RBFOX1: variants seen among roughly 807,000 people sequenced by gnomAD.
RBFOX1 encodes RNA binding protein fox-1 homolog 1.
A neutral mutation model predicts 57.7 loss-of-function variants in RBFOX1; 8 were observed. The ratio of observed to expected loss-of-function variants is 0.14; its 90% CI spans 0.08 to 0.25. The LOEUF is 0.25. Ranked by LOEUF, RBFOX1 falls within the 10% of genes least tolerant of loss-of-function variation. The pLI, the probability that RBFOX1 is intolerant of heterozygous loss-of-function variation, is 1.00. For synonymous variants in RBFOX1, 326 were observed against 222.4 expected (o/e 1.47, Z -4.15); for missense variants, 611 against 548.5 (o/e 1.11, Z -1.14).
At chr16:7,649,944 TGAAGG>T (rs1268563797) in intron 11 of RBFOX1, among the ~76,000 whole-genome samples, 1 of 140,248 alleles carries the variant, frequency 7.1e-6, no homozygotes, top group Non-Finnish European at 1.5e-5. Context: ...AATAAAGAAA[TGAAGG>T]GAGAGGAGAG....
chr16:6,593,301 T>C (rs1277679120), intron 2 of RBFOX1, among the ~76,000 whole-genome samples: 1 of 152,136 alleles, frequency 6.6e-6, no homozygotes, highest in Non-Finnish European at 1.5e-5. Flanking sequence ...CAATACAGGG[T>C]GTAAGTTTAC....
intron 4 of RBFOX1, among the ~76,000 whole-genome samples, chr16:5,975,718 A>G (rs1469270894): frequency 1.3e-5 from 2 of 152,090 alleles, no homozygotes; most frequent in Non-Finnish European, 2.9e-5. Flanking sequence ...TAATGTCAAA[A>G]TGCTTGGGGT....
At chr16:7,010,475 C>G (rs1568357203) in intron 3 of RBFOX1, among the ~76,000 whole-genome samples, 1 of 151,978 alleles carries the variant, frequency 6.6e-6, no homozygotes, top group Non-Finnish European at 1.5e-5. Flanking sequence ...GGCTAGATCT[C>G]TGGTGGCCAG....
At chr16:6,938,424 A>G (rs1182277957) in intron 3 of RBFOX1, among the ~76,000 whole-genome samples, 1 of 152,224 alleles carries the variant, frequency 6.6e-6, no homozygotes, top group Non-Finnish European at 1.5e-5. Flanking sequence ...TAACTGTTAC[A>G]CTGTTGCTGT....
intron 1 of RBFOX1, among the ~76,000 whole-genome samples, chr16:6,255,735 C>T (rs916833102): frequency 3.3e-5 from 5 of 152,014 alleles, no homozygotes; most frequent in African/African-American, 9.7e-5. Flanking sequence ...AGTTCATGTC[C>T]TTTGCAGGGA....
At chr16:6,378,122 A>C (rs2091403749) in intron 2 of RBFOX1, among the ~76,000 whole-genome samples, 2 of 152,232 alleles carry the variant, frequency 1.3e-5, no homozygotes, top group Non-Finnish European at 2.9e-5. Context: ...CTCATTTATC[A>C]AGACCAGGCT....
At chr16:5,701,024 A>C (rs2051027737) in intron 3 of RBFOX1, among the ~76,000 whole-genome samples, 1 of 152,230 alleles carries the variant, frequency 6.6e-6, no homozygotes, top group African/African-American at 2.4e-5. Flanking sequence ...TGTTCACTGC[A>C]AATATGCTGT....
intron 2 of RBFOX1, among the ~76,000 whole-genome samples, chr16:6,407,353 G>T (rs1194875269): frequency 6.6e-6 from 1 of 151,670 alleles, no homozygotes; most frequent in Non-Finnish European, 1.5e-5. Flanking sequence ...ATATGTCTAT[G>T]TATATATCTA....
intron 1 of RBFOX1, among the ~76,000 whole-genome samples, chr16:6,152,561 A>C (rs1442890673): frequency 6.6e-6 from 1 of 152,224 alleles, no homozygotes; most frequent in African/African-American, 2.4e-5. Flanking sequence ...TCTGTAGTCC[A>C]GATAAGTTAG....
intron 15 of RBFOX1, among the ~76,000 whole-genome samples, 189 bp downstream of exon 15, chr16:7,709,320 T>A (rs761601604): frequency 1.4e-4 from 21 of 152,242 alleles, no homozygotes; most frequent in Non-Finnish European, 2.8e-4. Flanking sequence ...CTTGGCAATG[T>A]AGTGCATGTA....
chr16:6,681,321 A>G (rs946514986), intron 3 of RBFOX1, among the ~76,000 whole-genome samples: 14 of 152,138 alleles, frequency 9.2e-5, no homozygotes, highest in Non-Finnish European at 7.3e-5. Flanking sequence ...CTGTCTGGAA[A>G]AAAAACAAAA....
At chr16:7,636,146 T>G (rs1246256455) in intron 11 of RBFOX1, among the ~76,000 whole-genome samples, 4 of 152,236 alleles carry the variant, frequency 2.6e-5, no homozygotes, top group African/African-American at 9.6e-5. Context: ...CACAAGGAGA[T>G]AGTAAAAATA....
intron 1 of RBFOX1, among the ~76,000 whole-genome samples, chr16:6,155,937 C>G (rs1402386366): frequency 6.6e-6 from 1 of 152,164 alleles, no homozygotes; most frequent in Admixed American, 6.5e-5. Flanking sequence ...GCCAGGCACT[C>G]TGATAAGTGC....
chr16:7,704,491 G>T (rs2148351238), intron 14 of RBFOX1, among the ~76,000 whole-genome samples: 1 of 152,288 alleles, frequency 6.6e-6, no homozygotes, highest in South Asian at 2.1e-4. Flanking sequence ...AAGCGTATCT[G>T]AATGGGATCA....
chr16:7,117,579 A>T (rs1326567428), intron 4 of RBFOX1, among the ~76,000 whole-genome samples: 1 of 152,210 alleles, frequency 6.6e-6, no homozygotes, highest in East Asian at 1.9e-4. Context: ...ACCTCATCTG[A>T]AAAATGGGAA....
intron 3 of RBFOX1, among the ~76,000 whole-genome samples, chr16:6,907,319 C>T (rs903724673): frequency 6.6e-6 from 1 of 152,098 alleles, no homozygotes; most frequent in East Asian, 1.9e-4. Flanking sequence ...ATTCCCAGTG[C>T]CCAGAGCTTC....
intron 3 of RBFOX1, among the ~76,000 whole-genome samples, chr16:6,970,178 G>A (rs1277003049): frequency 1.3e-5 from 2 of 148,980 alleles, no homozygotes; most frequent in Non-Finnish European, 1.5e-5. Context: ...ACTCTGGGGG[G>A]AAAAAAATAA....
At chr16:6,349,298 TAAG>T (rs1466404298) in intron 2 of RBFOX1, among the ~76,000 whole-genome samples, 1 of 152,176 alleles carries the variant, frequency 6.6e-6, no homozygotes, top group Non-Finnish European at 1.5e-5. Context: ...ACTCAGCTGA[TAAG>T]GAGGCTGACA....
intron 4 of RBFOX1, among the ~76,000 whole-genome samples, chr16:7,111,208 GAT>G (rs2064696141): frequency 2.0e-5 from 3 of 152,166 alleles, no homozygotes; most frequent in Non-Finnish European, 2.9e-5. Context: ...AGTTCAGTGT[GAT>G]CAGATGGGCC....
Sources: gnomAD v4.1 joint callset for allele counts (sites outside exome capture counted in the v4.1 genomes callset) on GRCh38, gnomAD v4.1.1 for gene constraint, MANE v1.5 for transcripts, NCBI Gene and HGNC (gene_info 2026-07-23, HGNC 2026-07-21) for gene names.